Variants in PUM3 observed in about 807,000 individuals in gnomAD.
PUM3 encodes pumilio homolog 3.
Under a neutral mutation model 84.0 loss-of-function variants are expected in PUM3, and 91 were observed. That is an observed-to-expected ratio of 1.08 (90% confidence interval 0.91 to 1.29). The LOEUF is 1.29. PUM3 is among the 50% of genes most tolerant of loss of function. The pLI, the probability that PUM3 is intolerant of heterozygous loss-of-function variation, is 0.00. For missense variants in PUM3, 1,067 were observed against 767.5 expected (o/e 1.39, Z -4.61); for synonymous variants, 321 against 266.7 (o/e 1.20, Z -1.98).
chr9:2,811,352 G>A lies in PUM3; in HGVS notation c.1635+9C>T, dbSNP rs1441808796. 1.2e-6 allele frequency: 2 copies of A among 1,612,760 alleles called. No individual in the cohort carries two copies. Among genetic ancestry groups the A allele is most frequent in the South Asian group, 2.2e-5 (2 of 91,036 alleles). ...CAGCTTTCCTGCCTGTGCTTTAATG[G>A]CACATTACCTCTCCGTCCTTGCCAC... On this transcript the variant is annotated intron_variant, in intron 15 of 17. Transcript: ENST00000397885.
chr9:2,812,370 A>G lies in PUM3; in HGVS notation c.1270-8T>C, dbSNP rs184570903. ...CAATGAACTGATAATTTCCTATAAA[A>G]TTATAAACAAAAAAAAAGAATCAAT... On this transcript the variant is annotated splice_polypyrimidine_tract_variant and splice_region_variant and intron_variant, in intron 13 of 17. Transcript: ENST00000397885. 2.7e-4 allele frequency: 410 copies of G among 1,524,732 alleles called. No individual in the cohort carries two copies. Among genetic ancestry groups the G allele is most frequent in the Non-Finnish European group, 9.2e-5 (102 of 1,114,542 alleles). 94.5% of individuals were successfully genotyped at this position (1,524,732 alleles called of 1,614,324 possible).
intron 16 of PUM3, 35 bp downstream of exon 16, chr9:2,810,309 T>C (rs367934324): frequency 4.8e-5 from 65 of 1,350,078 alleles, no homozygotes; most frequent in Middle Eastern, 1.8e-4. Context: ...GAATTCCACA[T>C]GAGATACAAG....
chr9:2,806,340 T>A (rs1301450102), intron 17 of PUM3, among the ~76,000 whole-genome samples: 2 of 152,198 alleles, frequency 1.3e-5, no homozygotes, highest in Non-Finnish European at 2.9e-5. Context: ...ATGAACAAAA[T>A]GATCTGTAAC....
intron 12 of PUM3, among the ~76,000 whole-genome samples, chr9:2,822,558 T>C (rs1015252302): frequency 4.5e-4 from 69 of 151,804 alleles, no homozygotes; most frequent in African/African-American, 1.6e-3. Flanking sequence ...TAAAACAATA[T>C]AATTTTATTA....
intron 3 of PUM3, among the ~76,000 whole-genome samples, chr9:2,835,028 A>AG (rs397936640): frequency 1.3e-5 from 2 of 150,822 alleles, no homozygotes; most frequent in Non-Finnish European, 3.0e-5. Context: ...AAAAAAAAAA[A>AG]GAAAAGAAAA....
chr9:2,825,507 G>C lies in PUM3; in HGVS notation c.1036-692C>G, dbSNP rs941184995. On this transcript the variant is annotated intron_variant, in intron 10 of 17. Coordinates refer to ENST00000397885, the MANE Select transcript of PUM3 (RefSeq NM_014878.5). ...ACATTTTCTTTTTTTTTTGGAGACG[G>C]AGTCTTGCTCTGTCACCCAGGCTGG... 2.1e-4 allele frequency among the ~76,000 whole-genome samples: 32 copies of C among 151,478 alleles called. 1 individual carries two copies. Among genetic ancestry groups the C allele is most frequent in the Non-Finnish European group, 5.9e-5 (4 of 67,914 alleles).
At chr9:2,804,833 C>T (rs1245604488) in intron 17 of PUM3, among the ~76,000 whole-genome samples, 6 of 152,104 alleles carry the variant, frequency 3.9e-5, no homozygotes, top group African/African-American at 1.2e-4. Flanking sequence ...GAGCAGGGAC[C>T]GTATTTTATT....
At chr9:2,841,657 T>C (rs1316996312) in intron 1 of PUM3, among the ~76,000 whole-genome samples, 1 of 151,696 alleles carries the variant, frequency 6.6e-6, no homozygotes, top group African/African-American at 2.4e-5. Context: ...AAGTTTTACT[T>C]GCTAACTTTA....
chr9:2,841,115 T>C (rs1003067678), intron 1 of PUM3, among the ~76,000 whole-genome samples: 1 of 152,226 alleles, frequency 6.6e-6, no homozygotes, highest in Non-Finnish European at 1.5e-5. Context: ...CTTCCTTCTC[T>C]GACAGTGAGC....
chr9:2,815,579 C>A (rs552801970), intron 13 of PUM3, among the ~76,000 whole-genome samples: 2 of 152,324 alleles, frequency 1.3e-5, no homozygotes, highest in African/African-American at 4.8e-5. Flanking sequence ...GGAAATGATA[C>A]ACCTGCCTAA....
intron 15 of PUM3, 126 bp downstream of exon 15, chr9:2,811,235 G>A: frequency 1.4e-6 from 1 of 711,702 alleles, no homozygotes; most frequent in Non-Finnish European, 2.4e-6. Context: ...TGCTGTGAGA[G>A]GTTCTTGGTT....
intron 12 of PUM3, among the ~76,000 whole-genome samples, chr9:2,822,744 T>C (rs1815688076): frequency 6.9e-6 from 1 of 144,596 alleles, no homozygotes; most frequent in Non-Finnish European, 1.5e-5. Context: ...AATATAATGT[T>C]ATATAATATA....
At chr9:2,839,332 G>A (rs923928986) in intron 1 of PUM3, among the ~76,000 whole-genome samples, 9 of 152,128 alleles carry the variant, frequency 5.9e-5, no homozygotes, top group Non-Finnish European at 1.2e-4. Flanking sequence ...AGATGTTAGG[G>A]ATCCCTAGAC....
intron 11 of PUM3, 143 bp from the exon 12 acceptor site, chr9:2,823,977 G>C (rs987979700): frequency 1.0e-5 from 5 of 498,398 alleles, no homozygotes; most frequent in Non-Finnish European, 7.1e-6. Flanking sequence ...TATACAGCCA[G>C]AACAAAAAAA....
chr9:2,805,286 C>G (rs1245195684), intron 17 of PUM3, among the ~76,000 whole-genome samples: 1 of 152,188 alleles, frequency 6.6e-6, no homozygotes, highest in African/African-American at 2.4e-5. Flanking sequence ...CCCGAGTACT[C>G]TATCAGAAGT....
intron 13 of PUM3, among the ~76,000 whole-genome samples, chr9:2,813,783 C>T (rs1296838836): frequency 6.6e-6 from 1 of 152,192 alleles, no homozygotes; most frequent in Non-Finnish European, 1.5e-5. Flanking sequence ...CACCATGTTT[C>T]TCTTTTTAAA....
chr9:2,841,321 A>C (rs1816258708), intron 1 of PUM3, among the ~76,000 whole-genome samples: 1 of 152,316 alleles, frequency 6.6e-6, no homozygotes, highest in African/African-American at 2.4e-5. Flanking sequence ...GGTGGCTCAC[A>C]CCTGTAATCC....
intron 8 of PUM3, among the ~76,000 whole-genome samples, chr9:2,829,094 T>C (rs1240624392): frequency 6.6e-6 from 1 of 152,244 alleles, no homozygotes; most frequent in Non-Finnish European, 1.5e-5. Flanking sequence ...ATATGTTTTA[T>C]AATTAGTTGG....
In PUM3 at chr9:2,834,170, G is replaced by A. The variant is rs779339394; in HGVS notation, c.305-4C>T. The A allele has an allele frequency of 1.2e-6, 2 of 1,606,474 alleles. No individual in the cohort carries two copies. Among genetic ancestry groups the A allele is most frequent in the East Asian group, 4.5e-5 (2 of 44,806 alleles). On this transcript the variant is annotated splice_region_variant and splice_polypyrimidine_tract_variant and intron_variant, in intron 3 of 17. Transcript: ENST00000397885. ...TTGGGCTTCTTGGCTGCTGATTCTA[G>A]TTATTATAGAAATTATTTTCAATTA...
Sources: gnomAD v4.1 joint callset for allele counts (sites outside exome capture counted in the v4.1 genomes callset) on GRCh38, gnomAD v4.1.1 for gene constraint, MANE v1.5 for transcripts, NCBI Gene and HGNC (gene_info 2026-07-23, HGNC 2026-07-21) for gene names.